The following HPSE2 variants were observed in gnomAD, a reference collection of about 807,000 sequenced individuals.
HPSE2 encodes the protein heparanase 2 (inactive).
Under a neutral mutation model 60.5 loss-of-function variants are expected in HPSE2, and 38 were observed. The ratio of observed to expected loss-of-function variants is 0.63; its 90% CI spans 0.48 to 0.82. The LOEUF (loss-of-function observed/expected upper bound fraction) is 0.82, where lower values mean the gene tolerates loss of function less well. HPSE2 is among the 40% of genes least tolerant of loss of function. The pLI, the probability that HPSE2 is intolerant of heterozygous loss-of-function variation, is 0.00. For synonymous variants in HPSE2, 295 were observed against 293.2 expected, an observed-to-expected ratio of 1.01 and a Z score of -0.06; for missense variants, 713 against 740.4, an observed-to-expected ratio of 0.96 and a Z score of 0.43.
At position 98,721,705 on chromosome 10, in the gene HPSE2, C is replaced by T. The variant is rs1474512091; in HGVS notation, c.908G>A (p.Gly303Asp). ...IRIYSRASLY[G>D]PNIGRPRKNV... is the part of the protein sequence containing the mutation. ...CTTCCTCGGCCGCCCAATATTAGGG[C>T]CATATAAGCTGGCTCTGGAATAAAT... Residue 303 changes from glycine to aspartate, a missense_variant, in exon 5 of 12, where the codon GGC (glycine) becomes GAC (aspartate). Transcript: ENST00000370552. 5.6e-6 allele frequency: 9 copies of T among 1,613,714 alleles called. No individual in the cohort carries two copies. The highest frequency in any genetic ancestry group is 6.8e-6 in the Non-Finnish European group (8 of 1,179,892).
rs1948776519 is a variant in HPSE2 at position 98,715,808 on chromosome 10, A to G, written c.956+5849T>C. On this transcript the variant is annotated intron_variant, in intron 5 of 11. Coordinates refer to ENST00000370552, the MANE Select transcript of HPSE2 (RefSeq NM_021828.5). ...TGCTGATAGAGGGTCTTGCCTTGAT[A>G]TGGATGGTGCTGACTGATCAAGGTG... Among the ~76,000 whole-genome samples the G allele has an allele frequency of 2.6e-5, 4 of 152,114 alleles. No individual in the cohort carries two copies. In the South Asian group the frequency reaches 8.3e-4, roughly 32 times the overall value.
chr10:98,734,912 A>C (rs200756146), intron 4 of HPSE2, among the ~76,000 whole-genome samples: 15 of 75,022 alleles, frequency 2.0e-4, no homozygotes, highest in African/African-American at 4.8e-4. Flanking sequence ...CACACACACA[A>C]ACACACACAA....
At chr10:98,827,228 C>T (rs113792646) in intron 3 of HPSE2, among the ~76,000 whole-genome samples, 85 of 152,068 alleles carry the variant, frequency 5.6e-4, no homozygotes, top group African/African-American at 1.7e-3. Flanking sequence ...TTTTTTGAGA[C>T]GGAGTCTTGC....
intron 3 of HPSE2, among the ~76,000 whole-genome samples, chr10:98,899,047 G>GA (rs1463357238): frequency 6.6e-6 from 1 of 152,110 alleles, no homozygotes; most frequent in Admixed American, 6.6e-5. Context: ...AAAACTACAG[G>GA]AAAAACTTTG....
chr10:98,958,197 A>C (rs1955557446), intron 3 of HPSE2, among the ~76,000 whole-genome samples: 1 of 152,186 alleles, frequency 6.6e-6, no homozygotes, highest in Admixed American at 6.6e-5. Flanking sequence ...CTGCACACTC[A>C]AATGCACACA....
chr10:99,053,211 T>C (rs1958030276), intron 3 of HPSE2, among the ~76,000 whole-genome samples: 1 of 152,024 alleles, frequency 6.6e-6, no homozygotes, highest in Non-Finnish European at 1.5e-5. Flanking sequence ...GTAAAATACA[T>C]GACAACAGTA....
chr10:99,152,801 G>A (rs1037894152), intron 2 of HPSE2, among the ~76,000 whole-genome samples: 10 of 152,238 alleles, frequency 6.6e-5, no homozygotes, highest in Non-Finnish European at 8.8e-5. Context: ...CGTGAGTGAC[G>A]CAGAAGACGG....
At chr10:98,521,934 G>C (rs1008410092) in intron 9 of HPSE2, among the ~76,000 whole-genome samples, 3 of 152,106 alleles carry the variant, frequency 2.0e-5, no homozygotes, top group Non-Finnish European at 4.4e-5. Flanking sequence ...ATTGAACAAT[G>C]AGATAACTTG....
chr10:98,726,000 G>T (rs1018018329), intron 4 of HPSE2, among the ~76,000 whole-genome samples: 2 of 152,176 alleles, frequency 1.3e-5, no homozygotes, highest in African/African-American at 4.8e-5. Context: ...TGCTGGAGAG[G>T]ATGTGGAGAA....
chr10:98,577,860 T>C (rs1024092139), intron 9 of HPSE2, among the ~76,000 whole-genome samples: 1 of 152,186 alleles, frequency 6.6e-6, no homozygotes, highest in East Asian at 1.9e-4. Flanking sequence ...CTGATTTCTT[T>C]TTCATTTCAT....
the HPSE2 span, among the ~76,000 whole-genome samples, chr10:99,279,364 T>TGGC: frequency 2.6e-5 from 4 of 152,194 alleles, no homozygotes; most frequent in African/African-American, 9.6e-5. Context: ...AAGAGCATGT[T>TGGC]GGCACAGGAA....
rs148287681 is a variant in HPSE2, at chr10:99,125,644, C to T, written c.610+18594G>A. ...CATCACAGGCAAAAAACTGTGAGTT[C>T]CCAAAGCGTGAGAGGGGGAAAACAT... On this transcript the variant is annotated intron_variant, in intron 3 of 11. Transcript: ENST00000370552. 7.8e-3 allele frequency among the ~76,000 whole-genome samples: 1,184 copies of T among 152,316 alleles called. 10 individuals carry two copies. The highest frequency in any genetic ancestry group is 0.011 in the Non-Finnish European group (727 of 68,028).
At chr10:99,169,330 C>G (rs1161046209) in intron 2 of HPSE2, among the ~76,000 whole-genome samples, 3 of 149,688 alleles carry the variant, frequency 2.0e-5, no homozygotes, top group Non-Finnish European at 4.4e-5. Flanking sequence ...GTGGTGAAAC[C>G]CCGTCTCTAC....
chr10:99,233,822 G>A (rs577311706), intron 1 of HPSE2, among the ~76,000 whole-genome samples: 36 of 152,246 alleles, frequency 2.4e-4, no homozygotes, highest in African/African-American at 8.4e-4. Flanking sequence ...TGTGGCAAAG[G>A]AGACGTCCGC....
At chr10:99,174,064 G>C (rs1847429838) in intron 2 of HPSE2, among the ~76,000 whole-genome samples, 2 of 151,412 alleles carry the variant, frequency 1.3e-5, no homozygotes, top group African/African-American at 4.9e-5. Flanking sequence ...ATAACACCCT[G>C]AAATTGACCC....
chr10:98,871,123 T>C (rs1035796993), intron 3 of HPSE2, among the ~76,000 whole-genome samples: 2 of 152,042 alleles, frequency 1.3e-5, no homozygotes, highest in Admixed American at 6.6e-5. Context: ...AATAAAACTC[T>C]TTCCTTTGTA....
intron 11 of HPSE2, among the ~76,000 whole-genome samples, chr10:98,479,798 G>A (rs1032455344): frequency 2.7e-4 from 41 of 152,180 alleles, no homozygotes; most frequent in Non-Finnish European, 5.9e-4. Flanking sequence ...ATCGTTATGT[G>A]TGTATCTGTA....
In HPSE2 at chr10:99,185,953, A is replaced by G. The variant is rs544709283; in HGVS notation, c.449-41554T>C. Among the ~76,000 whole-genome samples, 12 of 152,234 alleles carry G rather than the reference A, an allele frequency of 7.9e-5. No homozygotes were observed. The South Asian group carries it at 2.5e-3, about 32-fold the overall frequency. ...GAATAGAGAATTCAAGAGCAGAGAA[A>G]CTTGGTATATGCATAATTGGAATCC... On this transcript the variant is annotated intron_variant, in intron 2 of 11. Coordinates refer to ENST00000370552, the MANE Select transcript of HPSE2 (RefSeq NM_021828.5).
chr10:98,997,641 C>A, intron 3 of HPSE2, among the ~76,000 whole-genome samples: 1 of 152,148 alleles, frequency 6.6e-6, no homozygotes, highest in East Asian at 1.9e-4. Flanking sequence ...ATACAAATAG[C>A]CCTCTTATCT....
Sources: allele counts gnomAD v4.1 joint callset (sites outside exome capture counted in the v4.1 genomes callset), GRCh38; gene constraint gnomAD v4.1.1; transcripts MANE v1.5; gene names NCBI Gene and HGNC (gene_info 2026-07-23, HGNC 2026-07-21).